Variants in AGA observed in about 807,000 individuals in gnomAD.
The protein encoded by AGA is aspartylglucosaminidase.
In AGA, 31 loss-of-function variants were observed where a neutral mutation model predicts 40.1. That is an observed-to-expected ratio of 0.77 (90% CI 0.58 to 1.04). The LOEUF is 1.04. AGA is among the 50% of genes least tolerant of loss of function. AGA has a pLI of 0.00. For synonymous variants in AGA, 148 were observed against 144.0 expected (o/e 1.03, Z -0.20); for missense variants, 445 against 435.4 (o/e 1.02, Z -0.20).
In AGA at chr4:177,434,499, G is replaced by T; in HGVS notation, c.699-10C>A. 1 of 1,610,684 alleles carries T rather than the reference G, an allele frequency of 6.2e-7. No individual in the cohort carries two copies. The highest frequency in any genetic ancestry group is 8.5e-7 in the Non-Finnish European group (1 of 1,177,008). The stretch of plus-strand genomic sequence containing the variant: ...TGAGTCTCCTACACGGCTTTGAGAG[G>T]GTATTAACAATTTACGGCAGGAAAT... On this transcript the variant is annotated splice_polypyrimidine_tract_variant and intron_variant, in intron 6 of 8. Transcript: ENST00000264595.
rs913606169 is a variant in AGA at position 177,431,446 on chromosome 4, A to G, written c.*262T>C. The G allele has an allele frequency of 2.0e-6, 1 of 490,680 alleles. No individual in the cohort carries two copies. The highest frequency in any genetic ancestry group is 2.0e-5 in the African/African-American group (1 of 50,888). 30.4% of individuals were successfully genotyped at this position (490,680 alleles called of 1,614,324 possible). A position where few individuals can be genotyped will look rare whatever the true frequency, so the allele number is the denominator to read the frequency against. ...CAATTTTTTGCAACACTGATCAGAAATCCAAGTGTCACTTAAAACTTAAAT... is the reference window on the plus strand; with the variant it reads ...CAATTTTTTGCAACACTGATCAGAAGTCCAAGTGTCACTTAAAACTTAAAT... On this transcript the variant is annotated 3_prime_UTR_variant, in exon 9 of 9. Coordinates refer to ENST00000264595, the MANE Select transcript of AGA (RefSeq NM_000027.4).
chr4:177,431,860 T>C, intron 8 of AGA, 52 bp from the exon 9 acceptor site: 1 of 1,424,972 alleles, frequency 7.0e-7, no homozygotes, highest in Non-Finnish European at 9.9e-7. Flanking sequence ...TGCACATATT[T>C]ATAACCAATA....
Position 177,442,354 on chromosome 4 carries a change from G to T in AGA, c.22C>A (p.Pro8Thr), listed in dbSNP as rs779876912. The change falls in exon 1 of 9, where the codon CCT becomes ACT. Residue 8 changes from proline to threonine, a missense_variant. Pro to Thr is a conservative substitution (Grantham distance 38). Coordinates refer to ENST00000264595, the MANE Select transcript of AGA (RefSeq NM_000027.4). MARKSNL[P>T]VLLVPFLLCQ... is the part of the protein sequence containing the mutation. ...AGCAGAAACGGCACGAGAAGCACAG[G>T]CAAGTTCGACTTCCGCGCCATCCCT... is the stretch of plus-strand genomic sequence containing the variant. 5 of 1,614,000 alleles carry T rather than the reference G, an allele frequency of 3.1e-6. No homozygotes were observed. In the Admixed American group the frequency reaches 6.7e-5, roughly 22 times the overall value.
chr4:177,437,419 C>A lies in AGA; in HGVS notation c.608G>T (p.Gly203Val), dbSNP rs985359945. ...AGGCAAATTACCAATAGTGTCATGA[C>A]CACGATCATCTTCTGTTTCTTTATG... The part of the protein sequence containing the change: ...PIHKETEDDR[G>V]HDTIGMVVIH... The change falls in exon 5 of 9, where the codon GGT becomes GTT. Residue 203 changes from glycine (G) to valine (V), a missense_variant. Coordinates refer to ENST00000264595, the MANE Select transcript of AGA (RefSeq NM_000027.4). 6.2e-7 allele frequency: 1 copy of A among 1,611,162 alleles called. No homozygotes were observed. The highest frequency in any genetic ancestry group is 1.3e-5 in the African/African-American group (1 of 74,980).
intron 2 of AGA, 167 bp downstream of exon 2, chr4:177,440,105 AT>A (rs965447070): frequency 0.012 from 6,734 of 582,052 alleles, no homozygotes; most frequent in Middle Eastern, 0.013. Flanking sequence ...TATTACTCTG[AT>A]TTTTTTTTTT....
intron 1 of AGA, 99 bp downstream of exon 1, chr4:177,442,150 T>C: frequency 6.5e-7 from 1 of 1,549,718 alleles, no homozygotes; most frequent in Non-Finnish European, 8.8e-7. Flanking sequence ...CCCGGCGCTC[T>C]TCCGTCCGCC....
chr4:177,442,162 T>C, intron 1 of AGA, 87 bp downstream of exon 1: 3 of 1,577,638 alleles, frequency 1.9e-6, no homozygotes, highest in Non-Finnish European at 2.6e-6. Flanking sequence ...CCGTCCGCCC[T>C]GCCGGGTGAC....
chr4:177,442,153 C>T lies in AGA; in HGVS notation c.127+96G>A, dbSNP rs1365241708. ...GGCCCGGCCCAGCCCGGCGCTCTTC[C>T]GTCCGCCCTGCCGGGTGACTGCAGC... is the stretch of plus-strand genomic sequence containing the variant. On this transcript the variant is annotated intron_variant, in intron 1 of 8. Transcript: ENST00000264595. The T allele has an allele frequency of 3.2e-6, 5 of 1,553,794 alleles. No individual in the cohort carries two copies. In the East Asian group the frequency reaches 7.0e-5, roughly 22 times the overall value.
In AGA at chr4:177,431,039, A is replaced by G; in HGVS notation, c.*669T>C. ...TTAAAAGAAACGATCAATACTAAAT[A>G]TTAGCAGCTAAAACATCATTGATTC... On this transcript the variant is annotated 3_prime_UTR_variant, in exon 9 of 9. Coordinates refer to ENST00000264595, the MANE Select transcript of AGA (RefSeq NM_000027.4). The G allele has an allele frequency of 2.2e-6, 1 of 454,062 alleles. No individual in the cohort carries two copies. The highest frequency in any genetic ancestry group is 4.4e-6 in the Non-Finnish European group (1 of 226,754). 28.1% of individuals were successfully genotyped at this position (454,062 alleles called of 1,614,324 possible). A position where few individuals can be genotyped will look rare whatever the true frequency, so the allele number is the denominator to read the frequency against.
chr4:177,432,045 G>A (rs568988158), intron 8 of AGA, among the ~76,000 whole-genome samples: 1 of 152,286 alleles, frequency 6.6e-6, no homozygotes, highest in South Asian at 2.1e-4. Context: ...TTTTGTTGTT[G>A]TTGTTGATCT....
rs752011251 is a variant in AGA, at chr4:177,442,210, C to G, written c.127+39G>C. The G allele has an allele frequency of 2.5e-6, 4 of 1,610,958 alleles. No individual in the cohort carries two copies. The Admixed American group carries it at 6.7e-5, about 27-fold the overall frequency. The stretch of plus-strand genomic sequence containing the variant: ...GGCTAGTCATCCCCACCCGCAAGCT[C>G]TCGCGGCGCAGCCGCCCGCCCAGGC... On this transcript the variant is annotated intron_variant, in intron 1 of 8. Coordinates refer to ENST00000264595, the MANE Select transcript of AGA (RefSeq NM_000027.4).
chr4:177,436,411 A>G, intron 5 of AGA, 60 bp from the exon 6 acceptor site: 1 of 1,290,486 alleles, frequency 7.7e-7, no homozygotes, highest in Non-Finnish European at 1.1e-6. Flanking sequence ...AATATAACCA[A>G]ATAATTGAGC....
intron 4 of AGA, among the ~76,000 whole-genome samples, chr4:177,438,368 A>G (rs1224301537): frequency 6.6e-6 from 1 of 152,190 alleles, no homozygotes; most frequent in Non-Finnish European, 1.5e-5. Context: ...CAAGTCAAGA[A>G]CAAGATACTG....
intron 6 of AGA, among the ~76,000 whole-genome samples, chr4:177,435,918 TACACACACCCCAGTGGGAGCCCTGA>T (rs1736801014): frequency 6.7e-6 from 1 of 150,112 alleles, no homozygotes; most frequent in African/African-American, 2.5e-5. Context: ...CATGCACACA[TACACACACCCCAGTGGGAGCCCTGA>T]ACACACACAC....
chr4:177,431,783 T>C lies in AGA; in HGVS notation c.966A>G (p.Thr322=), dbSNP rs753625719. The C allele has an allele frequency of 1.2e-6, 2 of 1,613,796 alleles. No homozygotes were observed. Among genetic ancestry groups the C allele is most frequent in the Non-Finnish European group, 1.7e-6 (2 of 1,179,832 alleles). ...AAACCATGAAACTAAACTGAGTAAA[T>C]GTTGAAAGTTTATTGCAAGCAGCAC... ...SYGAACNKLS[T]FTQFSFMVYN... is the part of the protein sequence containing the mutation. The change falls in exon 9 of 9, where the codon ACA becomes ACG. Residue 322 remains threonine, a synonymous_variant. Transcript: ENST00000264595.
In AGA at chr4:177,434,236, CAG is replaced by C. The variant is rs1736722177; in HGVS notation, c.806+144_806+145del. The C allele has an allele frequency of 1.5e-5, 11 of 739,586 alleles. No homozygotes were observed. The South Asian group carries it at 1.6e-4, about 11-fold the overall frequency. The allele number at this position is 739,586 out of a possible 1,614,324, so 45.8% of individuals were successfully genotyped here. A position where few individuals can be genotyped will look rare whatever the true frequency, so the allele number is the denominator to read the frequency against. On this transcript the variant is annotated intron_variant, in intron 7 of 8. Transcript: ENST00000264595. ...CAGGCTGGTCTCAAACTCCTGACCT[CAG>C]GTGATCCACCTGCCTCAGTCTCCCA...
intron 8 of AGA, 91 bp downstream of exon 8, chr4:177,433,123 T>C: frequency 6.4e-7 from 1 of 1,551,944 alleles, no homozygotes; most frequent in Non-Finnish European, 8.9e-7. Context: ...TTCTATTGAA[T>C]ATAGTGTATT....
At position 177,437,389 on chromosome 4, in the gene AGA, A is replaced by ACAAAAGG. The variant is rs768541259; in HGVS notation, c.622+9_622+15dup. ...ACTAAACTTTATCCATAAAAACTGC[A>ACAAAAGG]CAAAAGGCAAATTACCAATAGTGTC... On this transcript the variant is annotated intron_variant, in intron 5 of 8. Coordinates refer to ENST00000264595, the MANE Select transcript of AGA (RefSeq NM_000027.4). The ACAAAAGG allele has an allele frequency of 8.4e-6, 13 of 1,547,104 alleles. No individual in the cohort carries two copies. Among genetic ancestry groups the ACAAAAGG allele is most frequent in the Admixed American group, 1.7e-5 (1 of 59,894 alleles).
intron 6 of AGA, among the ~76,000 whole-genome samples, chr4:177,434,700 C>T (rs192879717): frequency 4.2e-4 from 64 of 152,140 alleles, no homozygotes; most frequent in African/African-American, 1.4e-3. Flanking sequence ...TGTTATCAGA[C>T]GTGGAGTGTA....
Sources: allele counts gnomAD v4.1 joint callset (sites outside exome capture counted in the v4.1 genomes callset), GRCh38; gene constraint gnomAD v4.1.1; transcripts MANE v1.5; gene names NCBI Gene and HGNC (gene_info 2026-07-23, HGNC 2026-07-21).